LINGO2: variants seen among roughly 807,000 people sequenced by gnomAD.
LINGO2 encodes the protein leucine-rich repeat and immunoglobulin-like domain-containing nogo receptor-interacting protein 2.
Under a neutral mutation model 30.6 loss-of-function variants are expected in LINGO2, and 14 were observed. The ratio of observed to expected loss-of-function variants is 0.46; its 90% CI spans 0.30 to 0.72. The LOEUF is 0.72. LINGO2 is among the 30% of genes least tolerant of loss of function. The probability of loss-of-function intolerance (pLI) is 0.07; values close to 1 mark genes in which losing one functional copy is unlikely to be tolerated. For synonymous variants in LINGO2, 317 were observed against 288.5 expected (o/e 1.10, Z -1.00); for missense variants, 729 against 751.7 (o/e 0.97, Z 0.35).
chr9:28,578,840 G>T (rs1824119699), intron 1 of LINGO2, among the ~76,000 whole-genome samples: 1 of 152,006 alleles, frequency 6.6e-6, no homozygotes, highest in African/African-American at 2.4e-5. Flanking sequence ...ATAAATTCAT[G>T]GTTGGTTTAA....
intron 1 of LINGO2, among the ~76,000 whole-genome samples, chr9:28,502,120 T>C (rs1163608389): frequency 1.6e-5 from 2 of 128,684 alleles, no homozygotes; most frequent in African/African-American, 6.0e-5. Flanking sequence ...GGTCTCAAGA[T>C]GAGAAACACA....
intron 4 of LINGO2, among the ~76,000 whole-genome samples, chr9:28,205,144 A>G (rs550960182): frequency 1.3e-5 from 2 of 152,358 alleles, no homozygotes; most frequent in Admixed American, 6.5e-5. Context: ...ACCCTCTAGG[A>G]GTATATATCA....
chr9:28,409,557 T>A (rs2134799687), intron 2 of LINGO2, among the ~76,000 whole-genome samples: 1 of 152,170 alleles, frequency 6.6e-6, no homozygotes, highest in African/African-American at 2.4e-5. Flanking sequence ...AGGAAGACTT[T>A]AATTTTATAT....
rs1041882624 is a variant in LINGO2 at position 28,031,597 on chromosome 9, C to T, written c.-86-19192G>A. 2.6e-5 allele frequency among the ~76,000 whole-genome samples: 4 copies of T among 152,282 alleles called. No homozygotes were observed. The East Asian group carries it at 7.7e-4, about 29-fold the overall frequency. On this transcript the variant is annotated intron_variant, in intron 4 of 5. Coordinates refer to ENST00000379992, the Ensembl canonical transcript of LINGO2. ...GCTACTTCTCACTCACTTTCCTCAT[C>T]TTTAAAGTGGGGACAGTCTGGTGTC...
intron 4 of LINGO2, among the ~76,000 whole-genome samples, chr9:28,100,836 G>A (rs1826393224): frequency 6.6e-6 from 1 of 152,108 alleles, no homozygotes; most frequent in Non-Finnish European, 1.5e-5. Context: ...GACTGGGAAT[G>A]AGCTTTGCGT....
chr9:29,085,038 T>G, the LINGO2 span, among the ~76,000 whole-genome samples: 1 of 151,978 alleles, frequency 6.6e-6, no homozygotes, highest in Admixed American at 6.6e-5. Context: ...CTAATTATTT[T>G]CAAACCTAGA....
chr9:29,032,477 T>A, the LINGO2 span, among the ~76,000 whole-genome samples: 1 of 152,210 alleles, frequency 6.6e-6, no homozygotes, highest in African/African-American at 2.4e-5. Context: ...CAGACAATAG[T>A]TGTCTTCATG....
At chr9:29,155,979 G>C in the LINGO2 span, among the ~76,000 whole-genome samples, 8 of 152,134 alleles carry the variant, frequency 5.3e-5, no homozygotes, top group African/African-American at 4.8e-5. Context: ...TTATAAACTA[G>C]GGATCTGGAA....
chr9:28,123,337 A>G (rs1827150720), intron 4 of LINGO2, among the ~76,000 whole-genome samples: 1 of 152,240 alleles, frequency 6.6e-6, no homozygotes, highest in South Asian at 2.1e-4. Flanking sequence ...TTACTTGGCT[A>G]TGTGAAAGGT....
chr9:28,559,407 C>T (rs546809856), intron 1 of LINGO2, among the ~76,000 whole-genome samples: 14 of 152,202 alleles, frequency 9.2e-5, no homozygotes, highest in South Asian at 4.1e-4. Context: ...TTTGTTTTGT[C>T]TCTCTCCAGT....
chr9:28,707,917 T>C, the LINGO2 span, among the ~76,000 whole-genome samples: 1 of 152,092 alleles, frequency 6.6e-6, no homozygotes, highest in African/African-American at 2.4e-5. Context: ...TGTCAGAATA[T>C]GCCTCAGTCA....
intron 1 of LINGO2, among the ~76,000 whole-genome samples, chr9:28,635,175 TTC>T (rs1652908942): frequency 6.6e-6 from 1 of 152,252 alleles, no homozygotes; most frequent in Non-Finnish European, 1.5e-5. Flanking sequence ...AATTTTGCTG[TTC>T]TTATTCTACA....
intron 4 of LINGO2, among the ~76,000 whole-genome samples, chr9:28,035,399 T>C (rs1823881031): frequency 6.6e-6 from 1 of 152,238 alleles, no homozygotes; most frequent in African/African-American, 2.4e-5. Context: ...AAGGGCACTG[T>C]CTCATTTGTG....
intron 5 of LINGO2, among the ~76,000 whole-genome samples, chr9:27,996,066 A>C (rs1394769012): frequency 6.6e-6 from 1 of 152,158 alleles, no homozygotes; most frequent in Non-Finnish European, 1.5e-5. Flanking sequence ...TCTGGGAAAT[A>C]CAAATCATAA....
intron 4 of LINGO2, among the ~76,000 whole-genome samples, chr9:28,040,767 T>C (rs548355271): frequency 1.0e-3 from 55 of 55,012 alleles, no homozygotes; most frequent in African/African-American, 3.6e-3. Context: ...TTTAACTGAC[T>C]TTTCCCAAAA....
chr9:28,294,072 T>A (rs1823837697), intron 4 of LINGO2, among the ~76,000 whole-genome samples: 2 of 152,220 alleles, frequency 1.3e-5, no homozygotes, highest in African/African-American at 2.4e-5. Flanking sequence ...AAAAAATTTT[T>A]AAATTTGTAG....
chr9:28,462,015 T>C (rs1000595818), intron 2 of LINGO2, among the ~76,000 whole-genome samples: 2 of 152,126 alleles, frequency 1.3e-5, no homozygotes, highest in African/African-American at 4.8e-5. Flanking sequence ...ATTTGAAGCA[T>C]CATCTGTCTC....
At chr9:28,990,222 G>A in the LINGO2 span, among the ~76,000 whole-genome samples, 2 of 152,322 alleles carry the variant, frequency 1.3e-5, no homozygotes, top group East Asian at 3.9e-4. Flanking sequence ...CGGCTCGGAG[G>A]GTCCTACGCC....
chr9:28,004,744 G>A (rs1822175279), intron 5 of LINGO2, among the ~76,000 whole-genome samples: 1 of 152,146 alleles, frequency 6.6e-6, no homozygotes, highest in Non-Finnish European at 1.5e-5. Flanking sequence ...TTTGAAGACA[G>A]GTAAGAGAGC....
Sources: gnomAD v4.1 joint callset for allele counts (sites outside exome capture counted in the v4.1 genomes callset) on GRCh38, gnomAD v4.1.1 for gene constraint, MANE v1.5 for transcripts, NCBI Gene and HGNC (gene_info 2026-07-23, HGNC 2026-07-21) for gene names.